The following HPSE2 variants were observed in gnomAD, a reference collection of about 807,000 sequenced individuals.
HPSE2 encodes heparanase 2 (inactive).
A neutral mutation model predicts 60.5 loss-of-function variants in HPSE2; 38 were observed. That is an observed-to-expected ratio of 0.63 (90% CI 0.48 to 0.82). The LOEUF is 0.82. HPSE2 is among the 40% of genes least tolerant of loss of function. The pLI, the probability that HPSE2 is intolerant of heterozygous loss-of-function variation, is 0.00. For missense variants in HPSE2, 713 were observed against 740.4 expected, an observed-to-expected ratio of 0.96 and a Z score of 0.43; for synonymous variants, 295 against 293.2, an observed-to-expected ratio of 1.01 and a Z score of -0.06.
intron 6 of HPSE2, among the ~76,000 whole-genome samples, chr10:98,648,075 T>C (rs991893320): frequency 7.9e-5 from 12 of 152,180 alleles, no homozygotes; most frequent in Admixed American, 1.3e-4. Context: ...CTGTATGACT[T>C]AACCCATAAT....
chr10:99,292,932 C>T, the HPSE2 span, among the ~76,000 whole-genome samples: 2 of 152,054 alleles, frequency 1.3e-5, no homozygotes, highest in South Asian at 2.1e-4. Flanking sequence ...TTTTGATATA[C>T]ACCTTCTCTG....
At chr10:99,004,432 GT>G (rs1031672417) in intron 3 of HPSE2, among the ~76,000 whole-genome samples, 9 of 151,254 alleles carry the variant, frequency 6.0e-5, no homozygotes, top group Non-Finnish European at 1.2e-4. Context: ...TCGATTATAG[GT>G]TTTTGCTTTG....
At chr10:98,550,687 G>C (rs775109865) in intron 9 of HPSE2, among the ~76,000 whole-genome samples, 8 of 152,056 alleles carry the variant, frequency 5.3e-5, no homozygotes, top group Non-Finnish European at 7.4e-5. Flanking sequence ...TGTTAGTCAG[G>C]ATGGTCTTGA....
intron 3 of HPSE2, among the ~76,000 whole-genome samples, chr10:99,062,319 TAAG>T (rs1357123863): frequency 6.6e-6 from 1 of 152,144 alleles, no homozygotes; most frequent in Non-Finnish European, 1.5e-5. Context: ...ACAGAATGTT[TAAG>T]AAGAATTTAT....
At chr10:98,817,788 A>G (rs973002223) in intron 3 of HPSE2, among the ~76,000 whole-genome samples, 3 of 152,224 alleles carry the variant, frequency 2.0e-5, no homozygotes, top group African/African-American at 7.2e-5. Flanking sequence ...TGTTTCCTAT[A>G]CACTTTGGAC....
rs568704013 is a variant in HPSE2 at position 98,606,780 on chromosome 10, T to C, written c.1320+8124A>G. Among the ~76,000 whole-genome samples, 5 of 152,258 alleles carry C rather than the reference T, an allele frequency of 3.3e-5. No homozygotes were observed. The South Asian group carries it at 1.0e-3, about 32-fold the overall frequency. ...GCAGAATTTATTTTTATTTGTTCTA[T>C]TTTTTAATAAAGACTTTTGCTTTTA... On this transcript the variant is annotated intron_variant, in intron 9 of 11. Transcript: ENST00000370552.
the HPSE2 span, among the ~76,000 whole-genome samples, chr10:99,264,562 T>C: frequency 6.6e-6 from 1 of 152,106 alleles, no homozygotes; most frequent in Non-Finnish European, 1.5e-5. Context: ...TATGACAACA[T>C]AAAAAAACTC....
intron 5 of HPSE2, among the ~76,000 whole-genome samples, chr10:98,715,540 A>G (rs929165690): frequency 4.6e-5 from 7 of 151,880 alleles, no homozygotes; most frequent in African/African-American, 1.7e-4. Context: ...CTACAGGCAT[A>G]CCACAGAGGT....
chr10:99,234,876 C>A (rs1426161078), intron 1 of HPSE2, among the ~76,000 whole-genome samples: 1 of 151,898 alleles, frequency 6.6e-6, no homozygotes, highest in Non-Finnish European at 1.5e-5. Context: ...GGGGGGCATT[C>A]CGTCTATAAA....
intron 3 of HPSE2, among the ~76,000 whole-genome samples, chr10:98,872,625 G>A (rs890057458): frequency 6.6e-6 from 1 of 151,996 alleles, no homozygotes; most frequent in African/African-American, 2.4e-5. Context: ...AATTAAATTT[G>A]CCCCCTATCA....
chr10:98,801,566 G>A, intron 3 of HPSE2, among the ~76,000 whole-genome samples: 1 of 151,780 alleles, frequency 6.6e-6, no homozygotes, highest in African/African-American at 2.4e-5. Context: ...TGAACAATAT[G>A]AAAAAGAAAT....
At chr10:99,087,027 T>C (rs944010402) in intron 3 of HPSE2, among the ~76,000 whole-genome samples, 2 of 152,238 alleles carry the variant, frequency 1.3e-5, no homozygotes, top group African/African-American at 4.8e-5. Flanking sequence ...TTTCTCCATA[T>C]TATTCCAAGC....
chr10:98,678,422 C>A (rs1947702133), intron 6 of HPSE2, among the ~76,000 whole-genome samples: 1 of 152,182 alleles, frequency 6.6e-6, no homozygotes, highest in Non-Finnish European at 1.5e-5. Context: ...TTAAAATAGA[C>A]TGCAGGGTCC....
chr10:99,090,701 A>T (rs1843481954), intron 3 of HPSE2, among the ~76,000 whole-genome samples: 1 of 152,108 alleles, frequency 6.6e-6, no homozygotes, highest in Non-Finnish European at 1.5e-5. Flanking sequence ...TAACATTATT[A>T]TATCATCTAC....
At chr10:98,789,291 A>G (rs1950604323) in intron 3 of HPSE2, among the ~76,000 whole-genome samples, 1 of 152,246 alleles carries the variant, frequency 6.6e-6, no homozygotes, top group African/African-American at 2.4e-5. Flanking sequence ...ATCCAGAGAC[A>G]CATGCTTGGG....
chr10:98,495,401 G>A (rs566264603), intron 9 of HPSE2, among the ~76,000 whole-genome samples: 16 of 152,080 alleles, frequency 1.1e-4, no homozygotes, highest in African/African-American at 3.6e-4. Context: ...GAGCTTCTTG[G>A]ATGTTTATGT....
intron 5 of HPSE2, among the ~76,000 whole-genome samples, chr10:98,698,421 A>C (rs1450594376): frequency 2.6e-5 from 4 of 151,906 alleles, no homozygotes; most frequent in African/African-American, 9.7e-5. Flanking sequence ...AGGCAGAAAT[A>C]AAGATGTTCT....
rs903632439 is a variant in HPSE2 at position 99,232,897 on chromosome 10, C to T, written c.291-392G>A. Among the ~76,000 whole-genome samples, 3 of 152,260 alleles carry T rather than the reference C, an allele frequency of 2.0e-5. No individual in the cohort carries two copies. The South Asian group carries it at 6.2e-4, about 31-fold the overall frequency. On this transcript the variant is annotated intron_variant, in intron 1 of 11. Coordinates refer to ENST00000370552, the MANE Select transcript of HPSE2 (RefSeq NM_021828.5). The stretch of plus-strand genomic sequence containing the variant: ...GCCAGGAAAGCGCTCCGGGCGGAGA[C>T]GCGCTAGGCGCGCCTACCTCTGGCT...
intron 3 of HPSE2, among the ~76,000 whole-genome samples, chr10:98,880,867 G>C (rs371462795): frequency 7.9e-5 from 12 of 152,134 alleles, no homozygotes; most frequent in African/African-American, 2.6e-4. Flanking sequence ...CTTGTGAACT[G>C]TGAGAAATTT....
Sources: gnomAD v4.1 joint callset for allele counts (sites outside exome capture counted in the v4.1 genomes callset) on GRCh38, gnomAD v4.1.1 for gene constraint, MANE v1.5 for transcripts, NCBI Gene and HGNC (gene_info 2026-07-23, HGNC 2026-07-21) for gene names.